The following MC1R variants were observed in gnomAD, a reference collection of about 807,000 sequenced individuals.
The protein encoded by MC1R is melanocortin 1 receptor.
For missense variants in MC1R, 542 were observed against 430.0 expected (o/e 1.26, Z -2.30); for synonymous variants, 263 against 203.8 (o/e 1.29, Z -2.47).
chr16:89,919,305 C>T lies in MC1R; in HGVS notation c.47C>T (p.Ser16Phe), dbSNP rs2045689004. ...SQRRLLGSLN[S>F]TPTAIPQLGL... ...AGAAGACTTCTGGGCTCCCTCAACT[C>T]CACCCCCACAGCCATCCCCCAGCTG... Residue 16 changes from serine to phenylalanine, a missense_variant, in exon 1 of 1, where the codon TCC becomes TTC. Ser to Phe is a radical substitution (Grantham distance 155). Coordinates refer to ENST00000555147, the MANE Select transcript of MC1R (RefSeq NM_002386.4). 4 of 1,609,152 alleles carry T rather than the reference C, an allele frequency of 2.5e-6. No homozygotes were observed. The highest frequency in any genetic ancestry group is 3.4e-6 in the Non-Finnish European group (4 of 1,178,038).
rs373703770 is a variant in MC1R at position 89,920,127 on chromosome 16, A to G, written c.869A>G (p.Asn290Ser). 3.9e-5 allele frequency: 63 copies of G among 1,613,828 alleles called. No individual in the cohort carries two copies. The highest frequency in any genetic ancestry group is 1.2e-4 in the South Asian group (11 of 91,086). Residue 290 changes from asparagine to serine, a missense_variant, in exon 1 of 1, where the codon AAT becomes AGT. Asn to Ser is a conservative substitution (Grantham distance 46). Transcript: ENST00000555147. Reference protein sequence around the residue: ...FNLFLALIICNAIIDPLIYAF... With the variant: ...FNLFLALIICSAIIDPLIYAF... Reference sequence around the variant, plus strand: ...CTCTTTCTCGCCCTCATCATCTGCAATGCCATCATCGACCCCCTCATCTAC... The same window carrying G: ...CTCTTTCTCGCCCTCATCATCTGCAGTGCCATCATCGACCCCCTCATCTAC...
In MC1R at chr16:89,919,561, G is replaced by A. The variant is rs748542102; in HGVS notation, c.303G>A (p.Leu101=). The change falls in exon 1 of 1, where the codon CTG becomes CTA. Residue 101 remains leucine, a synonymous_variant. Transcript: ENST00000555147. ...NVLETAVILL[L]EAGALVARAA... Reference sequence around the variant, plus strand: ...TGGAGACGGCCGTCATCCTCCTGCTGGAGGCCGGTGCACTGGTGGCCCGGG... The same window carrying A: ...TGGAGACGGCCGTCATCCTCCTGCTAGAGGCCGGTGCACTGGTGGCCCGGG... 2.5e-6 allele frequency: 4 copies of A among 1,612,042 alleles called. No individual in the cohort carries two copies. The highest frequency in any genetic ancestry group is 3.4e-6 in the Non-Finnish European group (4 of 1,179,786).
Position 89,920,838 on chromosome 16 carries a change from G to A in MC1R, c.*626G>A, listed in dbSNP as rs1359629414. 2 of 604,052 alleles carry A rather than the reference G, an allele frequency of 3.3e-6. No individual in the cohort carries two copies. Among genetic ancestry groups the A allele is most frequent in the Non-Finnish European group, 6.0e-6 (2 of 331,828 alleles). The allele number at this position is 604,052 out of a possible 1,614,324, so 37.4% of individuals were successfully genotyped here. On this transcript the variant is annotated 3_prime_UTR_variant, in exon 1 of 1. Coordinates refer to ENST00000555147, the MANE Select transcript of MC1R (RefSeq NM_002386.4). ...GGGCCGGTTCTAAGGCTCAGACTGG[G>A]CACTGGGGCCTCAGCCTGCTTTCCT...
Position 89,919,725 on chromosome 16 carries a change from T to C in MC1R, c.467T>C (p.Val156Ala), listed in dbSNP as rs201975178. 120 of 1,606,076 alleles carry C rather than the reference T, an allele frequency of 7.5e-5. No individual in the cohort carries two copies. The highest frequency in any genetic ancestry group is 1.2e-4 in the Admixed American group (7 of 59,994). The change falls in exon 1 of 1, where the codon GTG (valine) becomes GCG (alanine). Residue 156 changes from valine (V) to alanine (A), a missense_variant. Transcript: ENST00000555147. ...TACGCACTGCGCTACCACAGCATCGTGACCCTGCCGCGGGCGCGGCGAGCC... is the reference window on the plus strand; with the variant it reads ...TACGCACTGCGCTACCACAGCATCGCGACCCTGCCGCGGGCGCGGCGAGCC... ...IFYALRYHSI[V>A]TLPRARRAVA... is the part of the protein sequence containing the mutation.
In MC1R at chr16:89,920,289, T is replaced by C; in HGVS notation, c.*77T>C. ...GTGTGGTCTGGTTCCTGTGTGACCC[T>C]GGGCAGTTCCTTACCTCCCTGGTCC... is the stretch of plus-strand genomic sequence containing the variant. On this transcript the variant is annotated 3_prime_UTR_variant, in exon 1 of 1. Coordinates refer to ENST00000555147, the MANE Select transcript of MC1R (RefSeq NM_002386.4). The C allele has an allele frequency of 3.9e-6, 5 of 1,270,398 alleles. No individual in the cohort carries two copies. Among genetic ancestry groups the C allele is most frequent in the Non-Finnish European group, 5.6e-6 (5 of 895,392 alleles). The allele number at this position is 1,270,398 out of a possible 1,614,324, so 78.7% of individuals were successfully genotyped here. A position where few individuals can be genotyped will look rare whatever the true frequency, so the allele number is the denominator to read the frequency against.
In MC1R at chr16:89,918,959, G is replaced by T. The variant is rs1282412249; in HGVS notation, c.-300G>T. 2.1e-6 allele frequency: 1 copy of T among 466,110 alleles called. No homozygotes were observed. Among genetic ancestry groups the T allele is most frequent in the Non-Finnish European group, 3.9e-6 (1 of 257,740 alleles). 28.9% of individuals were successfully genotyped at this position (466,110 alleles called of 1,614,324 possible). A position where few individuals can be genotyped will look rare whatever the true frequency, so the allele number is the denominator to read the frequency against. On this transcript the variant is annotated 5_prime_UTR_variant, in exon 1 of 1. Coordinates refer to ENST00000555147, the MANE Select transcript of MC1R (RefSeq NM_002386.4). ...TCGAAATGTCCTGGGGACCTGAGCAGCAGCCACCAGGGAAGAGGCAGGGAG... is the reference window on the plus strand; with the variant it reads ...TCGAAATGTCCTGGGGACCTGAGCATCAGCCACCAGGGAAGAGGCAGGGAG...
Position 89,919,773 on chromosome 16 carries a change from G to C in MC1R, c.515G>C (p.Ser172Thr). The change falls in exon 1 of 1, where the codon AGT becomes ACT. Residue 172 changes from serine (S) to threonine (T), a missense_variant. Ser to Thr is a moderately conservative substitution (Grantham distance 58). Transcript: ENST00000555147. ...GCCGTTGCGGCCATCTGGGTGGCCA[G>C]TGTCGTCTTCAGCACGCTCTTCATC... is the stretch of plus-strand genomic sequence containing the variant. ...RRAVAAIWVA[S>T]VVFSTLFIAY... The C allele has an allele frequency of 1.9e-6, 3 of 1,608,628 alleles. No individual in the cohort carries two copies. Among genetic ancestry groups the C allele is most frequent in the Non-Finnish European group, 2.5e-6 (3 of 1,179,844 alleles).
Position 89,919,994 on chromosome 16 carries a change from C to G in MC1R, c.736C>G (p.Leu246Val), listed in dbSNP as rs1260587387. 1 of 1,613,384 alleles carries G rather than the reference C, an allele frequency of 6.2e-7. No homozygotes were observed. Among genetic ancestry groups the G allele is most frequent in the Non-Finnish European group, 8.5e-7 (1 of 1,179,900 alleles). ...GLKGAVTLTI[L>V]LGIFFLCWGP... ...TAAAGGCGCTGTCACCCTCACCATC[C>G]TGCTGGGCATTTTCTTCCTCTGCTG... The change falls in exon 1 of 1, where the codon CTG becomes GTG. Residue 246 changes from leucine to valine, a missense_variant. Transcript: ENST00000555147.
At position 89,920,469 on chromosome 16, in the gene MC1R, A is replaced by G; in HGVS notation, c.*257A>G. ...GGACATGGGGAGGTTGTGGGGCCTC[A>G]GGCTCCGGGCACCAGGGGCCAACCT... On this transcript the variant is annotated 3_prime_UTR_variant, in exon 1 of 1. Transcript: ENST00000555147. The G allele has an allele frequency of 1.6e-6, 1 of 616,908 alleles. No individual in the cohort carries two copies. Among genetic ancestry groups the G allele is most frequent in the Non-Finnish European group, 2.9e-6 (1 of 339,288 alleles). 38.2% of individuals were successfully genotyped at this position (616,908 alleles called of 1,614,324 possible).
Position 89,919,143 on chromosome 16 carries a change from T to C in MC1R, c.-116T>C, listed in dbSNP as rs571611042. On this transcript the variant is annotated 5_prime_UTR_variant, in exon 1 of 1. The change abolishes an upstream ATG in the 5' untranslated region. Coordinates refer to ENST00000555147, the MANE Select transcript of MC1R (RefSeq NM_002386.4). ...GTGCCCAGATGGAAGGAGGCAGGCA[T>C]GGGGGACACCCAAGGCCCCCTGGCA... 12 of 710,974 alleles carry C rather than the reference T, an allele frequency of 1.7e-5. No homozygotes were observed. Among genetic ancestry groups the C allele is most frequent in the Middle Eastern group, 7.6e-4 (2 of 2,638 alleles). 44.0% of individuals were successfully genotyped at this position (710,974 alleles called of 1,614,324 possible). A position where few individuals can be genotyped will look rare whatever the true frequency, so the allele number is the denominator to read the frequency against.
In MC1R at chr16:89,919,106, G is replaced by A. The variant is rs939976616; in HGVS notation, c.-153G>A. 3.1e-5 allele frequency: 19 copies of A among 614,760 alleles called. No individual in the cohort carries two copies. Among genetic ancestry groups the A allele is most frequent in the Non-Finnish European group, 5.2e-5 (18 of 349,428 alleles). 38.1% of individuals were successfully genotyped at this position (614,760 alleles called of 1,614,324 possible). On this transcript the variant is annotated 5_prime_UTR_variant, in exon 1 of 1. Coordinates refer to ENST00000555147, the MANE Select transcript of MC1R (RefSeq NM_002386.4). ...GTCCAGCCAGGGAGAGGGTGTGAGG[G>A]CAGATCTGGGGGTGCCCAGATGGAA...
At position 89,920,152 on chromosome 16, in the gene MC1R, C is replaced by G. The variant is rs143395134; in HGVS notation, c.894C>G (p.Tyr298Ter). 4 of 1,614,062 alleles carry G rather than the reference C, an allele frequency of 2.5e-6. No homozygotes were observed. The South Asian group carries it at 3.3e-5, about 13-fold the overall frequency. ...ICNAIIDPLI[Y>*]AFHSQELRRT... The stretch of plus-strand genomic sequence containing the variant: ...ATGCCATCATCGACCCCCTCATCTA[C>G]GCCTTCCACAGCCAGGAGCTCCGCA... The change falls in exon 1 of 1, where the codon TAC becomes TAG. Residue 298 changes from tyrosine to a stop codon, truncating the protein, a stop_gained. Transcript: ENST00000555147. LOFTEE classifies it high-confidence loss of function.
Position 89,920,549 on chromosome 16 carries a change from A to G in MC1R, c.*337A>G, listed in dbSNP as rs143513600. 769 of 637,760 alleles carry G rather than the reference A, an allele frequency of 1.2e-3. 6 individuals are homozygous for G. The African/African-American group carries it at 0.012, about 10-fold the overall frequency. The allele number at this position is 637,760 out of a possible 1,614,324, so 39.5% of individuals were successfully genotyped here. A position where few individuals can be genotyped will look rare whatever the true frequency, so the allele number is the denominator to read the frequency against. Reference sequence around the variant, plus strand: ...CTCCTGGGACACTCCGTCTGCTCCAATGACTGAGCAGCATCCACCCCACCC... The same window carrying G: ...CTCCTGGGACACTCCGTCTGCTCCAGTGACTGAGCAGCATCCACCCCACCC... On this transcript the variant is annotated 3_prime_UTR_variant, in exon 1 of 1. Transcript: ENST00000555147.
rs1165027976 is a variant in MC1R, at chr16:89,919,784, A to G, written c.526A>G (p.Ser176Gly). The G allele has an allele frequency of 1.2e-6, 2 of 1,608,398 alleles. No homozygotes were observed. Among genetic ancestry groups the G allele is most frequent in the African/African-American group, 1.3e-5 (1 of 74,932 alleles). Residue 176 changes from serine (S) to glycine (G), a missense_variant, in exon 1 of 1, where the codon AGC (serine) becomes GGC (glycine). By Grantham distance (56) the Ser-to-Gly change is moderately conservative. Coordinates refer to ENST00000555147, the MANE Select transcript of MC1R (RefSeq NM_002386.4). ...CATCTGGGTGGCCAGTGTCGTCTTC[A>G]GCACGCTCTTCATCGCCTACTACGA... is the stretch of plus-strand genomic sequence containing the variant. ...AAIWVASVVF[S>G]TLFIAYYDHV...
At position 89,919,604 on chromosome 16, in the gene MC1R, C is replaced by G. The variant is rs2144391668; in HGVS notation, c.346C>G (p.Leu116Val). The change falls in exon 1 of 1, where the codon CTG becomes GTG. Residue 116 changes from leucine to valine, a missense_variant. Physicochemically the swap from Leu to Val is conservative, Grantham distance 32 (BLOSUM62 1). Transcript: ENST00000555147. ...GGCCCGGGCTGCGGTGCTGCAGCAG[C>G]TGGACAATGTCATTGACGTGATCAC... ...LVARAAVLQQ[L>V]DNVIDVITCS... 1 of 1,608,958 alleles carries G rather than the reference C, an allele frequency of 6.2e-7. No homozygotes were observed. Among genetic ancestry groups the G allele is most frequent in the South Asian group, 1.1e-5 (1 of 91,086 alleles).
At position 89,920,287 on chromosome 16, in the gene MC1R, C is replaced by A; in HGVS notation, c.*75C>A. On this transcript the variant is annotated 3_prime_UTR_variant, in exon 1 of 1. Coordinates refer to ENST00000555147, the MANE Select transcript of MC1R (RefSeq NM_002386.4). Reference sequence around the variant, plus strand: ...TTGTGTGGTCTGGTTCCTGTGTGACCCTGGGCAGTTCCTTACCTCCCTGGT... The same window carrying A: ...TTGTGTGGTCTGGTTCCTGTGTGACACTGGGCAGTTCCTTACCTCCCTGGT... The A allele has an allele frequency of 7.8e-7, 1 of 1,287,244 alleles. No individual in the cohort carries two copies. The allele number at this position is 1,287,244 out of a possible 1,614,324, so 79.7% of individuals were successfully genotyped here.
Position 89,920,310 on chromosome 16 carries a change from G to C in MC1R, c.*98G>C. ...ACCCTGGGCAGTTCCTTACCTCCCTGGTCCCCGTTTGTCAAAGAGGATGGA... is the reference window on the plus strand; with the variant it reads ...ACCCTGGGCAGTTCCTTACCTCCCTCGTCCCCGTTTGTCAAAGAGGATGGA... On this transcript the variant is annotated 3_prime_UTR_variant, in exon 1 of 1. Coordinates refer to ENST00000555147, the MANE Select transcript of MC1R (RefSeq NM_002386.4). The C allele has an allele frequency of 9.9e-7, 1 of 1,006,724 alleles. No individual in the cohort carries two copies. The allele number at this position is 1,006,724 out of a possible 1,614,324, so 62.4% of individuals were successfully genotyped here.
Position 89,919,960 on chromosome 16 carries a change from C to G in MC1R, c.702C>G (p.Gly234=). The change falls in exon 1 of 1, where the codon GGC becomes GGG. Residue 234 remains glycine, a synonymous_variant. Transcript: ENST00000555147. The part of the protein sequence containing the change: ...LHKRQRPVHQ[G]FGLKGAVTLT... Reference sequence around the variant, plus strand: ...AGAGGCAGCGCCCGGTCCACCAGGGCTTTGGCCTTAAAGGCGCTGTCACCC... The same window carrying G: ...AGAGGCAGCGCCCGGTCCACCAGGGGTTTGGCCTTAAAGGCGCTGTCACCC... The G allele has an allele frequency of 6.2e-7, 1 of 1,612,556 alleles. No homozygotes were observed. Among genetic ancestry groups the G allele is most frequent in the Non-Finnish European group, 8.5e-7 (1 of 1,179,890 alleles).
At position 89,920,448 on chromosome 16, in the gene MC1R, A is replaced by AT. The variant is rs2045710654; in HGVS notation, c.*237dup. 1.6e-6 allele frequency: 1 copy of AT among 619,410 alleles called. No homozygotes were observed. Among genetic ancestry groups the AT allele is most frequent in the Admixed American group, 2.9e-5 (1 of 33,990 alleles). The allele number at this position is 619,410 out of a possible 1,614,324, so 38.4% of individuals were successfully genotyped here. A position where few individuals can be genotyped will look rare whatever the true frequency, so the allele number is the denominator to read the frequency against. Reference sequence around the variant, plus strand: ...GCAGTCGTGGGGAACGGAGGAGGACATGGGGAGGTTGTGGGGCCTCAGGCT... The same window carrying AT: ...GCAGTCGTGGGGAACGGAGGAGGACATTGGGGAGGTTGTGGGGCCTCAGGCT... On this transcript the variant is annotated 3_prime_UTR_variant, in exon 1 of 1. Coordinates refer to ENST00000555147, the MANE Select transcript of MC1R (RefSeq NM_002386.4).
Sources: gnomAD v4.1 joint callset for allele counts on GRCh38, gnomAD v4.1.1 for gene constraint, MANE v1.5 for transcripts, NCBI Gene and HGNC (gene_info 2026-07-23, HGNC 2026-07-21) for gene names.